Variants in ESRRG observed in about 807,000 individuals in gnomAD.
ESRRG encodes estrogen-related receptor gamma.
ESRRG carries 13 observed loss-of-function variants against 44.0 expected under a neutral mutation model. The ratio of observed to expected loss-of-function variants is 0.30; its 90% CI spans 0.19 to 0.47. ESRRG has a LOEUF of 0.47. Ranked by LOEUF, ESRRG falls within the 20% of genes least tolerant of loss-of-function variation. The pLI is 1.00. For synonymous variants in ESRRG, 215 were observed against 214.6 expected (o/e 1.00, Z -0.02); for missense variants, 395 against 580.6 (o/e 0.68, Z 3.29).
chr1:216,507,926 T>A (rs572278425), intron 6 of ESRRG, among the ~76,000 whole-genome samples: 2 of 152,350 alleles, frequency 1.3e-5, no homozygotes, highest in East Asian at 3.9e-4. Context: ...GTTGCCAAAT[T>A]ATTCTTGTGA....
chr1:216,933,174 T>C (rs1169089526), intron 2 of ESRRG, among the ~76,000 whole-genome samples: 1 of 152,144 alleles, frequency 6.6e-6, no homozygotes, highest in Admixed American at 6.6e-5. Flanking sequence ...AATATTATAG[T>C]CATTGTTATT....
chr1:216,912,258 G>GGGA (rs2060551869), intron 2 of ESRRG, among the ~76,000 whole-genome samples: 2 of 55,434 alleles, frequency 3.6e-5, no homozygotes, highest in Non-Finnish European at 8.4e-5. Context: ...GAGGAGAGGA[G>GGGA]AGGAGAGGGG....
At chr1:217,027,672 A>G (rs1002027784) in intron 1 of ESRRG, among the ~76,000 whole-genome samples, 11 of 152,202 alleles carry the variant, frequency 7.2e-5, no homozygotes, top group Non-Finnish European at 1.3e-4. Flanking sequence ...CCCAGCAATC[A>G]TCAGCCTACC....
At chr1:216,923,536 G>A (rs1008265633) in intron 2 of ESRRG, among the ~76,000 whole-genome samples, 1 of 152,088 alleles carries the variant, frequency 6.6e-6, no homozygotes, top group Non-Finnish European at 1.5e-5. Flanking sequence ...AGTTCTGCAT[G>A]GGCATTCTAG....
intron 1 of ESRRG, among the ~76,000 whole-genome samples, chr1:217,086,863 C>T (rs946642541): frequency 1.3e-5 from 2 of 152,198 alleles, no homozygotes; most frequent in African/African-American, 4.8e-5. Flanking sequence ...GTAAGGCATA[C>T]TTTAACCTCC....
chr1:216,579,491 G>A lies in ESRRG; in HGVS notation c.590-11393C>T, dbSNP rs529089120. ...TGAAGTATTGTACATGTGAAGTAGG[G>A]TGAAGTCCATAGCCTGTATTTTTGT... On this transcript the variant is annotated intron_variant, in intron 3 of 6. Coordinates refer to ENST00000408911, the MANE Select transcript of ESRRG (RefSeq NM_001438.4). 3.9e-5 allele frequency among the ~76,000 whole-genome samples: 6 copies of A among 152,262 alleles called. No homozygotes were observed. The South Asian group carries it at 1.2e-3, about 32-fold the overall frequency.
intron 2 of ESRRG, among the ~76,000 whole-genome samples, chr1:216,883,443 A>G (rs2096477724): frequency 6.6e-6 from 1 of 151,814 alleles, no homozygotes; most frequent in Non-Finnish European, 1.5e-5. Flanking sequence ...ATTGCCATGA[A>G]CACTTGCTTA....
At chr1:216,829,231 C>G (rs1577011565) in intron 2 of ESRRG, among the ~76,000 whole-genome samples, 1 of 152,022 alleles carries the variant, frequency 6.6e-6, no homozygotes, top group African/African-American at 2.4e-5. Context: ...TCCTGACACA[C>G]CTGGAGTGTG....
chr1:216,966,187 A>G (rs1184120956), intron 1 of ESRRG, among the ~76,000 whole-genome samples: 1 of 152,166 alleles, frequency 6.6e-6, no homozygotes, highest in Non-Finnish European at 1.5e-5. Context: ...AATGTTAGGG[A>G]CATTCTTGCA....
At chr1:216,933,554 G>A (rs957782129) in intron 2 of ESRRG, among the ~76,000 whole-genome samples, 1 of 152,290 alleles carries the variant, frequency 6.6e-6, no homozygotes, top group Non-Finnish European at 1.5e-5. Context: ...CTGATGAGGA[G>A]ATGCAGAGAA....
upstream of ESRRG, among the ~76,000 whole-genome samples, chr1:216,726,369 C>T (rs533810134): frequency 2.4e-3 from 362 of 152,228 alleles, 1 homozygote; most frequent in African/African-American, 8.5e-3. Context: ...AGACAGCTTC[C>T]AGAATATTTT....
At chr1:216,978,859 T>A (rs903188646) in intron 1 of ESRRG, among the ~76,000 whole-genome samples, 1 of 152,120 alleles carries the variant, frequency 6.6e-6, no homozygotes, top group Admixed American at 6.6e-5. Context: ...CCTCTTCAGC[T>A]TTTTTTCCCC....
At chr1:216,696,165 T>C (rs1469028334) in intron 1 of ESRRG, among the ~76,000 whole-genome samples, 3 of 152,226 alleles carry the variant, frequency 2.0e-5, no homozygotes, top group African/African-American at 7.2e-5. Flanking sequence ...CCCTACTGGT[T>C]CTCAAGACAA....
At chr1:216,876,836 C>A (rs1046648558) in intron 2 of ESRRG, among the ~76,000 whole-genome samples, 2 of 152,048 alleles carry the variant, frequency 1.3e-5, no homozygotes, top group Non-Finnish European at 2.9e-5. Context: ...ACAATATGTA[C>A]CCTGGTTAAA....
chr1:217,074,326 G>A (rs1377331187), intron 1 of ESRRG, among the ~76,000 whole-genome samples: 1 of 151,622 alleles, frequency 6.6e-6, no homozygotes, highest in African/African-American at 2.4e-5. Flanking sequence ...TGGGATTACA[G>A]GCATGAACCA....
At chr1:216,548,369 A>G (rs936488907) in intron 5 of ESRRG, among the ~76,000 whole-genome samples, 1 of 152,058 alleles carries the variant, frequency 6.6e-6, no homozygotes, top group Non-Finnish European at 1.5e-5. Context: ...TTGGTCTATA[A>G]CTAGAGTCTA....
rs1410666840 is a variant in ESRRG at position 216,707,313 on chromosome 1, C to T, written c.56+15931G>A. ...CGTTGAGCATTTTAAGATTTAATGG[C>T]AACTTTGGTGATCAAGTCTTCACAA... is the stretch of plus-strand genomic sequence containing the variant. On this transcript the variant is annotated intron_variant, in intron 1 of 6. Coordinates refer to ENST00000408911, the MANE Select transcript of ESRRG (RefSeq NM_001438.4). 4.6e-6 allele frequency: 7 copies of T among 1,532,174 alleles called. No homozygotes were observed. In the South Asian group the frequency reaches 8.4e-5, roughly 18 times the overall value. The allele number at this position is 1,532,174 out of a possible 1,614,324, so 94.9% of individuals were successfully genotyped here.
At chr1:216,637,289 C>A (rs887169497) in intron 3 of ESRRG, among the ~76,000 whole-genome samples, 3 of 152,154 alleles carry the variant, frequency 2.0e-5, no homozygotes, top group African/African-American at 7.2e-5. Context: ...ATACTCTATA[C>A]AGACATTTCA....
At chr1:216,541,605 T>TGTGC (rs1406430387) in intron 5 of ESRRG, among the ~76,000 whole-genome samples, 5 of 133,828 alleles carry the variant, frequency 3.7e-5, no homozygotes, top group Non-Finnish European at 7.6e-5. Flanking sequence ...TGTGTGTGTG[T>TGTGC]GTATGTGATC....
Sources: allele counts gnomAD v4.1 joint callset (sites outside exome capture counted in the v4.1 genomes callset), GRCh38; gene constraint gnomAD v4.1.1; transcripts MANE v1.5; gene names NCBI Gene and HGNC (gene_info 2026-07-23, HGNC 2026-07-21).